MAGI3: variants seen among roughly 807,000 people sequenced by gnomAD.
The protein encoded by MAGI3 is membrane associated guanylate kinase, WW and PDZ domain containing 3, also known as membrane-associated guanylate kinase, WW and PDZ domain-containing protein 3.
In MAGI3, 43 loss-of-function variants were observed where a neutral mutation model predicts 121.8. That is an observed-to-expected ratio of 0.35 (90% CI 0.28 to 0.46). The LOEUF is 0.46. MAGI3 is among the 20% of genes least tolerant of loss of function. The probability of loss-of-function intolerance (pLI) is 1.00; values close to 1 mark genes in which losing one functional copy is unlikely to be tolerated. For synonymous variants in MAGI3, 553 were observed against 639.3 expected, an observed-to-expected ratio of 0.86 and a Z score of 2.04; for missense variants, 1,547 against 1,797.3, an observed-to-expected ratio of 0.86 and a Z score of 2.52.
intron 11 of MAGI3, among the ~76,000 whole-genome samples, chr1:113,644,383 C>T (rs552308696): frequency 4.6e-5 from 7 of 152,238 alleles, no homozygotes; most frequent in African/African-American, 1.2e-4. Context: ...GGGGTTCAAG[C>T]GATTCTCCTG....
Position 113,684,992 on chromosome 1 carries a change from A to G in MAGI3, c.*978A>G, listed in dbSNP as rs1648460808. On this transcript the variant is annotated 3_prime_UTR_variant, in exon 21 of 21. Transcript: ENST00000307546. The stretch of plus-strand genomic sequence containing the variant: ...TATAGATTATGTGAGGGACTTAATC[A>G]TGAAACCAGTTTCACAGTCCAAGTA... The G allele has an allele frequency of 6.6e-6, 1 of 152,392 alleles. No individual in the cohort carries two copies. Among genetic ancestry groups the G allele is most frequent in the Non-Finnish European group, 1.5e-5 (1 of 68,036 alleles). The allele number at this position is 152,392 out of a possible 1,614,324, so 9.4% of individuals were successfully genotyped here.
At chr1:113,533,174 C>T (rs10858000) in intron 1 of MAGI3, among the ~76,000 whole-genome samples, 34,065 of 151,944 alleles carry the variant, frequency 0.22, 4,875 homozygotes, top group East Asian at 0.65. Context: ...CATAGACCTC[C>T]GGATTACTTG....
Position 113,683,707 on chromosome 1 carries a change from C to T in MAGI3, c.4139C>T (p.Ser1380Phe). The change falls in exon 21 of 21, where the codon TCT becomes TTT. Residue 1380 changes from serine to phenylalanine, a missense_variant. Transcript: ENST00000307546. ...AATAAGACTACAAGTAAAGAAGTAT[C>T]TGAAAATGAAAAAGGAAAGAAAGTA... ...MTNKTTSKEV[S>F]ENEKGKKVTT... 1.3e-6 allele frequency: 2 copies of T among 1,598,184 alleles called. No homozygotes were observed. The highest frequency in any genetic ancestry group is 1.7e-6 in the Non-Finnish European group (2 of 1,172,658).
rs1027420510 is a variant in MAGI3, at chr1:113,661,592, G to C, written c.2815+2327G>C. Among the ~76,000 whole-genome samples, 4 of 152,238 alleles carry C rather than the reference G, an allele frequency of 2.6e-5. No homozygotes were observed. The South Asian group carries it at 8.3e-4, about 32-fold the overall frequency. On this transcript the variant is annotated intron_variant, in intron 16 of 20. Coordinates refer to ENST00000307546, the MANE Select transcript of MAGI3 (RefSeq NM_001142782.2). Reference sequence around the variant, plus strand: ...TCCCCCAAAATTACTGTTTAATGTTGATGGTATTTTCTCCAAGAGATTATC... The same window carrying C: ...TCCCCCAAAATTACTGTTTAATGTTCATGGTATTTTCTCCAAGAGATTATC...
At position 113,491,938 on chromosome 1, in the gene MAGI3, G is replaced by A. The variant is rs1455015243; in HGVS notation, c.317-57577G>A. Among the ~76,000 whole-genome samples the A allele has an allele frequency of 2.6e-5, 4 of 152,262 alleles. No individual in the cohort carries two copies. The South Asian group carries it at 8.3e-4, about 32-fold the overall frequency. ...GATTCACAGCTGAATTCTACCAGAT[G>A]TACAAAGAAGAGTTGATACCATTCC... On this transcript the variant is annotated intron_variant, in intron 1 of 20. Coordinates refer to ENST00000307546, the MANE Select transcript of MAGI3 (RefSeq NM_001142782.2).
intron 1 of MAGI3, among the ~76,000 whole-genome samples, chr1:113,524,103 C>T (rs1658336860): frequency 6.6e-6 from 1 of 152,138 alleles, no homozygotes; most frequent in Non-Finnish European, 1.5e-5. Context: ...CCTGCAGGTG[C>T]ATAGAAGTCA....
At chr1:113,635,971 A>T (rs1651990497) in intron 9 of MAGI3, among the ~76,000 whole-genome samples, 1 of 152,184 alleles carries the variant, frequency 6.6e-6, no homozygotes, top group Non-Finnish European at 1.5e-5. Context: ...GTATGTGTCG[A>T]GGAATGTATC....
chr1:113,391,039 G>C lies in MAGI3; in HGVS notation c.6G>C (p.Ser2=). M[S]KTLKKKKHWL... Reference sequence around the variant, plus strand: ...ATGGTGCAGCGGGGTTCGGGATGTCGAAGACGCTGAAGAAGAAGAAGCACT... The same window carrying C: ...ATGGTGCAGCGGGGTTCGGGATGTCCAAGACGCTGAAGAAGAAGAAGCACT... The change falls in exon 1 of 21, where the codon TCG becomes TCC. Residue 2 remains serine (S), a synonymous_variant. Coordinates refer to ENST00000307546, the MANE Select transcript of MAGI3 (RefSeq NM_001142782.2). This position sits in a 1 kb window ranked among gnomAD's most constrained non-coding sequence, Gnocchi z 4.4. 6.3e-7 allele frequency: 1 copy of C among 1,583,890 alleles called. No individual in the cohort carries two copies. The highest frequency in any genetic ancestry group is 1.1e-5 in the South Asian group (1 of 87,154).
chr1:113,480,433 CA>C (rs1448318897), intron 1 of MAGI3, among the ~76,000 whole-genome samples: 1 of 151,942 alleles, frequency 6.6e-6, no homozygotes, highest in Non-Finnish European at 1.5e-5. Context: ...AGCCTGGGGC[CA>C]TGAGAGCTGA....
intron 1 of MAGI3, among the ~76,000 whole-genome samples, chr1:113,532,425 T>C (rs1658771411): frequency 6.6e-6 from 1 of 152,152 alleles, no homozygotes; most frequent in African/African-American, 2.4e-5. Flanking sequence ...TTCTACTTTT[T>C]TTTTTAAGTT....
chr1:113,576,447 G>A (rs552983195), intron 2 of MAGI3, among the ~76,000 whole-genome samples: 7 of 152,208 alleles, frequency 4.6e-5, no homozygotes, highest in East Asian at 3.9e-4. Context: ...TGGATGAGGC[G>A]CTGCCCCACC....
intron 1 of MAGI3, among the ~76,000 whole-genome samples, chr1:113,533,618 A>G (rs1324922755): frequency 6.6e-6 from 1 of 152,148 alleles, no homozygotes; most frequent in Non-Finnish European, 1.5e-5. Context: ...AAAAAGATAG[A>G]TGAAATTTAG....
intron 1 of MAGI3, among the ~76,000 whole-genome samples, chr1:113,468,360 A>G (rs1331321248): frequency 2.0e-5 from 3 of 152,090 alleles, no homozygotes; most frequent in Non-Finnish European, 2.9e-5. Context: ...TGGTGAATCT[A>G]TTACAGGTTT....
intron 14 of MAGI3, 102 bp downstream of exon 14, chr1:113,651,308 T>G: frequency 1.8e-6 from 2 of 1,117,236 alleles, no homozygotes; most frequent in Non-Finnish European, 2.5e-6. Context: ...TTCAGTAGTA[T>G]CTAAGATAAC....
intron 16 of MAGI3, among the ~76,000 whole-genome samples, chr1:113,661,588 TG>T (rs1653786798): frequency 6.6e-6 from 1 of 152,250 alleles, no homozygotes. Context: ...TACTGTTTAA[TG>T]TTGATGGTAT....
chr1:113,685,381 C>T lies in MAGI3; in HGVS notation c.*1367C>T, dbSNP rs1648483496. ...AACTATTTTATGGAGTGTGTGAACA[C>T]ACTTGTTCTGTCACCTGGGTTCATC... is the stretch of plus-strand genomic sequence containing the variant. On this transcript the variant is annotated 3_prime_UTR_variant, in exon 21 of 21. Transcript: ENST00000307546. 6.6e-6 allele frequency: 1 copy of T among 152,332 alleles called. No homozygotes were observed. The highest frequency in any genetic ancestry group is 2.1e-4 in the South Asian group (1 of 4,830). 9.4% of individuals were successfully genotyped at this position (152,332 alleles called of 1,614,324 possible). A position where few individuals can be genotyped will look rare whatever the true frequency, so the allele number is the denominator to read the frequency against.
intron 6 of MAGI3, among the ~76,000 whole-genome samples, chr1:113,604,579 A>AAAAAAAAAAG (rs1649628026): frequency 6.7e-6 from 1 of 149,500 alleles, no homozygotes; most frequent in Admixed American, 6.7e-5. Context: ...AAAAAAAAAA[A>AAAAAAAAAAG]AAAAAAAAAA....
chr1:113,478,051 T>G (rs1655927668), intron 1 of MAGI3, among the ~76,000 whole-genome samples: 1 of 152,226 alleles, frequency 6.6e-6, no homozygotes, highest in Admixed American at 6.5e-5. Flanking sequence ...CGTCACGAAG[T>G]TCTCGTGCCA....
intron 7 of MAGI3, among the ~76,000 whole-genome samples, chr1:113,615,910 C>T (rs946787507): frequency 6.6e-6 from 1 of 152,014 alleles, no homozygotes; most frequent in East Asian, 1.9e-4. Context: ...ATTTGGGGGC[C>T]GACTGAAAAG....
Sources: allele counts gnomAD v4.1 joint callset (sites outside exome capture counted in the v4.1 genomes callset), GRCh38; gene constraint gnomAD v4.1.1; non-coding constraint Gnocchi (gnomAD v3.1); transcripts MANE v1.5; gene names NCBI Gene and HGNC (gene_info 2026-07-23, HGNC 2026-07-21).